CDH4: variants seen among roughly 807,000 people sequenced by gnomAD.
CDH4 encodes the protein cadherin 4.
Under a neutral mutation model 86.0 loss-of-function variants are expected in CDH4, and 33 were observed. The observed-to-expected ratio is 0.38, with a 90% CI of 0.29 to 0.51. The LOEUF (loss-of-function observed/expected upper bound fraction) is 0.51. CDH4 is among the 20% of genes least tolerant of loss of function. CDH4 has a pLI of 0.86. For missense variants in CDH4, 1,114 were observed against 1,307.4 expected (o/e 0.85, Z 2.28); for synonymous variants, 555 against 549.4 (o/e 1.01, Z -0.14).
At chr20:61,881,557 C>G (rs543644065) in intron 7 of CDH4, among the ~76,000 whole-genome samples, 2 of 152,250 alleles carry the variant, frequency 1.3e-5, no homozygotes, top group Non-Finnish European at 2.9e-5. Flanking sequence ...TAGTCGACCG[C>G]TGTTCATCTG....
At chr20:61,792,823 T>G (rs73611574) in intron 4 of CDH4, among the ~76,000 whole-genome samples, 45,962 of 151,898 alleles carry the variant, frequency 0.3, 7,087 homozygotes, top group East Asian at 0.37. Flanking sequence ...GCTAATTTTT[T>G]TATTTTTGGT....
At chr20:61,934,691 C>G (rs2055158116) in intron 15 of CDH4, among the ~76,000 whole-genome samples, 1 of 152,180 alleles carries the variant, frequency 6.6e-6, no homozygotes, top group Non-Finnish European at 1.5e-5. Flanking sequence ...GAGGCCCAAG[C>G]CTGGTCTCAG....
At chr20:61,657,568 G>A (rs1182350107) in intron 2 of CDH4, among the ~76,000 whole-genome samples, 1 of 152,202 alleles carries the variant, frequency 6.6e-6, no homozygotes, top group Non-Finnish European at 1.5e-5. Flanking sequence ...TGGGGAAAAC[G>A]TGGGGCAGAG....
intron 2 of CDH4, among the ~76,000 whole-genome samples, chr20:61,639,356 C>G (rs2086981007): frequency 6.6e-6 from 1 of 152,206 alleles, no homozygotes; most frequent in Admixed American, 6.5e-5. Context: ...CAGACACTGA[C>G]TCCCTCTGCC....
intron 2 of CDH4, among the ~76,000 whole-genome samples, chr20:61,404,298 A>G (rs6061764): frequency 0.72 from 109,068 of 151,838 alleles, 39,658 homozygotes; most frequent in East Asian, 0.99. Flanking sequence ...AAAAACCATG[A>G]TGAGGACAGC....
intron 2 of CDH4, among the ~76,000 whole-genome samples, chr20:61,716,516 A>C (rs1343073029): frequency 2.6e-5 from 4 of 152,200 alleles, no homozygotes; most frequent in Admixed American, 6.5e-5. Flanking sequence ...TCACCTGTCC[A>C]CAGGCACCCA....
chr20:61,296,302 G>GGTGCGTGTGTGTGCATGC (rs2084354007), intron 2 of CDH4, among the ~76,000 whole-genome samples: 2 of 134,806 alleles, frequency 1.5e-5, no homozygotes, highest in Non-Finnish European at 3.2e-5. Flanking sequence ...TGTGTGCGTG[G>GGTGCGTGTGTGTGCATGC]GTGCGTGTGT....
At chr20:61,446,807 G>A (rs183281118) in intron 2 of CDH4, among the ~76,000 whole-genome samples, 4 of 152,302 alleles carry the variant, frequency 2.6e-5, no homozygotes, top group Admixed American at 2.6e-4. Flanking sequence ...TTGGGGTGGA[G>A]AGTGTGTACA....
chr20:61,470,573 G>A (rs889252672), intron 2 of CDH4, among the ~76,000 whole-genome samples: 1 of 152,086 alleles, frequency 6.6e-6, no homozygotes, highest in African/African-American at 2.4e-5. Context: ...GTACTCTGTT[G>A]AATAAGAGTA....
chr20:61,389,447 A>G (rs2084969211), intron 2 of CDH4, among the ~76,000 whole-genome samples: 1 of 152,174 alleles, frequency 6.6e-6, no homozygotes, highest in Non-Finnish European at 1.5e-5. Context: ...AGTATTTCTC[A>G]TACCTAATTC....
chr20:61,652,060 C>T (rs554235911), intron 2 of CDH4, among the ~76,000 whole-genome samples: 43 of 152,320 alleles, frequency 2.8e-4, no homozygotes, highest in African/African-American at 9.9e-4. Context: ...TCGGCCAGGA[C>T]GGCAGCCTGT....
chr20:61,321,873 A>T (rs1453612453), intron 2 of CDH4, among the ~76,000 whole-genome samples: 2 of 152,156 alleles, frequency 1.3e-5, no homozygotes, highest in African/African-American at 4.8e-5. Context: ...TCCTCTCTGC[A>T]GTCTTACAAT....
intron 6 of CDH4, among the ~76,000 whole-genome samples, chr20:61,853,588 T>C (rs1348988043): frequency 1.3e-5 from 2 of 152,226 alleles, no homozygotes; most frequent in East Asian, 3.9e-4. Context: ...CGTCTGTGAC[T>C]GCCAAGAAGT....
intron 2 of CDH4, among the ~76,000 whole-genome samples, chr20:61,585,108 T>A (rs2086459522): frequency 6.6e-6 from 1 of 152,210 alleles, no homozygotes; most frequent in Non-Finnish European, 1.5e-5. Context: ...AGTGTGAGAA[T>A]CTTGGCTCAG....
intron 2 of CDH4, among the ~76,000 whole-genome samples, chr20:61,670,553 C>T (rs1269662518): frequency 1.3e-5 from 2 of 152,170 alleles, no homozygotes; most frequent in South Asian, 4.1e-4. Flanking sequence ...ACTGGAGGTA[C>T]CATTGCCAAA....
intron 4 of CDH4, among the ~76,000 whole-genome samples, chr20:61,778,370 C>T (rs576393083): frequency 6.6e-6 from 1 of 152,126 alleles, no homozygotes; most frequent in Non-Finnish European, 1.5e-5. Flanking sequence ...AACGAAAAAA[C>T]GAGCGGGAGA....
intron 2 of CDH4, among the ~76,000 whole-genome samples, chr20:61,542,120 A>T (rs57683571): frequency 0.2 from 30,879 of 152,080 alleles, 5,242 homozygotes; most frequent in African/African-American, 0.45. Flanking sequence ...TCCAGAGACC[A>T]CATTCCACCT....
At chr20:61,878,071 C>G (rs764141062) in intron 7 of CDH4, among the ~76,000 whole-genome samples, 1 of 152,136 alleles carries the variant, frequency 6.6e-6, no homozygotes, top group Non-Finnish European at 1.5e-5. Context: ...CCCTGGCCTG[C>G]GTGAGTGGCC....
rs533263060 is a variant in CDH4, at chr20:61,939,430, G to T, written c.*2487G>T. On this transcript the variant is annotated 3_prime_UTR_variant, in exon 16 of 16. Coordinates refer to ENST00000614565, the MANE Select transcript of CDH4 (RefSeq NM_001794.5). ...TGCCCAAATCACGCAGGCGGAAGCT[G>T]CAGTGCCAGCTGGAGGGATGTTCAT... 1 of 152,398 alleles carries T rather than the reference G, an allele frequency of 6.6e-6. No individual in the cohort carries two copies. The highest frequency in any genetic ancestry group is 2.4e-5 in the African/African-American group (1 of 41,586). The allele number at this position is 152,398 out of a possible 1,614,324, so 9.4% of individuals were successfully genotyped here.
Sources: gnomAD v4.1 joint callset for allele counts (sites outside exome capture counted in the v4.1 genomes callset) on GRCh38, gnomAD v4.1.1 for gene constraint, MANE v1.5 for transcripts, NCBI Gene and HGNC (gene_info 2026-07-23, HGNC 2026-07-21) for gene names.